The following SFMBT2 variants were observed in gnomAD, a reference collection of about 807,000 sequenced individuals.
The protein encoded by SFMBT2 is scm-like with four MBT domains protein 2.
Under a neutral mutation model 110.1 loss-of-function variants are expected in SFMBT2, and 38 were observed. That is an observed-to-expected ratio of 0.35 (90% CI 0.27 to 0.45). The LOEUF is 0.45. Among genes scored for constraint, SFMBT2 ranks in the 20% least tolerant of loss-of-function variants. SFMBT2 has a pLI of 1.00. For missense variants in SFMBT2, 1,011 were observed against 1,094.9 expected (o/e 0.92, Z 1.08); for synonymous variants, 425 against 425.4 (o/e 1.00, Z 0.01).
intron 4 of SFMBT2, among the ~76,000 whole-genome samples, chr10:7,354,757 G>A (rs1588474653): frequency 6.6e-6 from 1 of 152,216 alleles, no homozygotes; most frequent in Non-Finnish European, 1.5e-5. Flanking sequence ...TTTAAGTAAA[G>A]TATGCCCTGT....
intron 4 of SFMBT2, chr10:7,329,542 G>C: frequency 1.0e-6 from 1 of 984,606 alleles, no homozygotes; most frequent in Non-Finnish European, 1.2e-6. Context: ...TACCTCTGCT[G>C]GGTCACAAAC....
At chr10:7,326,137 A>G (rs536482861) in intron 4 of SFMBT2, among the ~76,000 whole-genome samples, 2 of 152,362 alleles carry the variant, frequency 1.3e-5, no homozygotes, top group South Asian at 4.1e-4. Context: ...AACTCTTGTT[A>G]AGCTTCCAAA....
intron 4 of SFMBT2, among the ~76,000 whole-genome samples, chr10:7,324,591 G>T (rs1375277369): frequency 6.6e-6 from 1 of 152,178 alleles, no homozygotes; most frequent in Non-Finnish European, 1.5e-5. Context: ...TTCCACTATG[G>T]TCCCAAGGGA....
Position 7,309,392 on chromosome 10 carries a change from A to T in SFMBT2, c.437-23438T>A, listed in dbSNP as rs1022205479. Among the ~76,000 whole-genome samples the T allele has an allele frequency of 2.6e-5, 4 of 152,220 alleles. No individual in the cohort carries two copies. In the South Asian group the frequency reaches 8.3e-4, roughly 31 times the overall value. Reference sequence around the variant, plus strand: ...TCCAGGTCTGCTGCCTCTCAGTTAAAGCCACAGGGCTGATTCTCACCCGTG... The same window carrying T: ...TCCAGGTCTGCTGCCTCTCAGTTAATGCCACAGGGCTGATTCTCACCCGTG... On this transcript the variant is annotated intron_variant, in intron 4 of 20. Coordinates refer to ENST00000397167, the MANE Select transcript of SFMBT2 (RefSeq NM_001387889.1).
chr10:7,288,548 T>A (rs1043900627), intron 4 of SFMBT2, among the ~76,000 whole-genome samples: 6 of 152,168 alleles, frequency 3.9e-5, no homozygotes, highest in African/African-American at 1.4e-4. Flanking sequence ...GGCTACACCC[T>A]TTTTAAAAGT....
At chr10:7,368,263 T>C (rs547931393) in intron 3 of SFMBT2, 1 of 835,588 alleles carries the variant, frequency 1.2e-6, no homozygotes, top group South Asian at 5.5e-5. Flanking sequence ...CACATCTGAA[T>C]GTGGACTACA....
rs144837178 is a variant in SFMBT2, at chr10:7,386,943, C to T, written c.-51-4994G>A. 7.1e-3 allele frequency among the ~76,000 whole-genome samples: 1,076 copies of T among 152,274 alleles called. 9 individuals carry two copies. Among genetic ancestry groups the T allele is most frequent in the African/African-American group, 0.024 (992 of 41,556 alleles). ...CACAGAGCCGCTAGTGGTGGGGCTGCGGTTTGAACCCACACAACTGGCTCC... is the reference window on the plus strand; with the variant it reads ...CACAGAGCCGCTAGTGGTGGGGCTGTGGTTTGAACCCACACAACTGGCTCC... On this transcript the variant is annotated intron_variant, in intron 1 of 20. Coordinates refer to ENST00000397167, the MANE Select transcript of SFMBT2 (RefSeq NM_001387889.1).
intron 4 of SFMBT2, chr10:7,320,775 C>T (rs1386802165): frequency 5.6e-6 from 1 of 177,784 alleles, no homozygotes; most frequent in African/African-American, 2.4e-5. Context: ...GACCCACATC[C>T]TCCACTATTC....
At chr10:7,284,274 G>A (rs533220937) in intron 5 of SFMBT2, 124 bp from the exon 6 acceptor site, 57 of 1,484,346 alleles carry the variant, frequency 3.8e-5, no homozygotes, top group African/African-American at 3.0e-4. Context: ...ACAGTCTGGC[G>A]TTCCCTCCAC....
intron 2 of SFMBT2, among the ~76,000 whole-genome samples, chr10:7,380,842 T>C (rs1180786460): frequency 1.3e-5 from 2 of 152,078 alleles, no homozygotes; most frequent in African/African-American, 2.4e-5. Flanking sequence ...TTGAGCCTAG[T>C]AGTTTAAGAC....
intron 20 of SFMBT2, chr10:7,164,522 G>A: frequency 1.2e-6 from 1 of 840,504 alleles, no homozygotes; most frequent in Non-Finnish European, 1.4e-6. Context: ...TGCTTCCCAA[G>A]CTTATCGCCC....
At chr10:7,350,291 G>A (rs1013946805) in intron 4 of SFMBT2, among the ~76,000 whole-genome samples, 2 of 152,030 alleles carry the variant, frequency 1.3e-5, no homozygotes, top group Non-Finnish European at 2.9e-5. Context: ...CGAGGTCTGG[G>A]GCATGCAACC....
chr10:7,250,421 A>T (rs1202433937), intron 7 of SFMBT2, among the ~76,000 whole-genome samples: 4 of 26,500 alleles, frequency 1.5e-4, no homozygotes, highest in African/African-American at 3.5e-4. Context: ...ACATACTTGC[A>T]TTCTTTTTAT....
intron 4 of SFMBT2, among the ~76,000 whole-genome samples, chr10:7,307,525 T>C (rs1842730505): frequency 6.6e-6 from 1 of 152,122 alleles, no homozygotes; most frequent in Admixed American, 6.5e-5. Flanking sequence ...GTCAAACAAA[T>C]AGACAAATCC....
In SFMBT2 at chr10:7,284,209, A is replaced by G. The variant is rs1241684966; in HGVS notation, c.526-59T>C. On this transcript the variant is annotated intron_variant, in intron 5 of 20. Transcript: ENST00000397167. ...ACTTTATTTTAAGGTTCTCATGGAA[A>G]CAGATGACAGCAGAAGATAATATTT... 5 of 1,578,420 alleles carry G rather than the reference A, an allele frequency of 3.2e-6. No homozygotes were observed. The East Asian group carries it at 9.0e-5, about 28-fold the overall frequency.
chr10:7,279,472 C>G (rs1841881658), intron 6 of SFMBT2, among the ~76,000 whole-genome samples: 1 of 152,196 alleles, frequency 6.6e-6, no homozygotes, highest in African/African-American at 2.4e-5. Context: ...GTTTTGACAG[C>G]CTGACACAAC....
At chr10:7,260,653 C>T (rs77437920) in intron 7 of SFMBT2, among the ~76,000 whole-genome samples, 9,605 of 152,242 alleles carry the variant, frequency 0.063, 406 homozygotes, top group Admixed American at 0.089. Flanking sequence ...GCCACTCTTC[C>T]GGCTTACACC....
At chr10:7,276,818 G>C (rs780665032) in intron 7 of SFMBT2, 74 bp downstream of exon 7, 1 of 780,068 alleles carries the variant, frequency 1.3e-6, no homozygotes, top group African/African-American at 1.7e-5. Flanking sequence ...GAGCCACTGC[G>C]CCCGGCCGGA....
At chr10:7,373,074 C>G (rs1237825779) in intron 2 of SFMBT2, among the ~76,000 whole-genome samples, 2 of 152,224 alleles carry the variant, frequency 1.3e-5, no homozygotes, top group African/African-American at 4.8e-5. Context: ...TGTGGCAGTG[C>G]TGGGAGCTGA....
Sources: gnomAD v4.1 joint callset for allele counts (sites outside exome capture counted in the v4.1 genomes callset) on GRCh38, gnomAD v4.1.1 for gene constraint, MANE v1.5 for transcripts, NCBI Gene and HGNC (gene_info 2026-07-23, HGNC 2026-07-21) for gene names.